Variants in RCC1 observed in about 807,000 individuals in gnomAD.
RCC1 encodes regulator of chromosome condensation 1.
A neutral mutation model predicts 44.4 loss-of-function variants in RCC1; 11 were observed. The ratio of observed to expected loss-of-function variants is 0.25; its 90% CI spans 0.16 to 0.41. RCC1 has a LOEUF of 0.41. RCC1 is among the 10% of genes least tolerant of loss of function. The probability of loss-of-function intolerance (pLI) is 1.00; values close to 1 mark genes in which losing one functional copy is unlikely to be tolerated. For missense variants in RCC1, 386 were observed against 547.1 expected, an observed-to-expected ratio of 0.71 and a Z score of 2.94; for synonymous variants, 213 against 216.5, an observed-to-expected ratio of 0.98 and a Z score of 0.14.
rs772590884 is a variant in RCC1, at chr1:28,529,942, A to G, written c.73+3A>G. ...CCCCAAAAGCAAGAAGGTGAAGGGT[A>G]AGTTGGCCTTGGCCTCTTTGTGGGT... On this transcript the variant is annotated splice_donor_region_variant and intron_variant, in intron 5 of 12. Coordinates refer to ENST00000683442, the MANE Select transcript of RCC1 (RefSeq NM_001381865.2). 6.2e-7 allele frequency: 1 copy of G among 1,613,408 alleles called. No homozygotes were observed.
chr1:28,507,349 T>C (rs1417587366), intron 1 of RCC1: 3 of 517,682 alleles, frequency 5.8e-6, no homozygotes, highest in African/African-American at 5.8e-5. Context: ...TGTAAATTTA[T>C]GCGTTACACT....
chr1:28,526,848 G>T, intron 4 of RCC1: 1 of 629,234 alleles, frequency 1.6e-6, no homozygotes, highest in Non-Finnish European at 2.9e-6. Flanking sequence ...AGTGAGCCGA[G>T]ATCGTGCCAC....
chr1:28,533,702 G>A (rs190041594), intron 7 of RCC1, among the ~76,000 whole-genome samples: 9,874 of 138,232 alleles, frequency 0.071, 816 homozygotes, highest in African/African-American at 0.2. Context: ...CCTGGGAGGC[G>A]GAGGTTGCAG....
chr1:28,511,389 ATTTTTTG>A (rs911150529), intron 3 of RCC1, among the ~76,000 whole-genome samples: 5 of 146,890 alleles, frequency 3.4e-5, no homozygotes, highest in South Asian at 4.2e-4. Context: ...ACAGTATCCA[ATTTTTTG>A]TTTTTTGTTT....
At chr1:28,521,720 C>CA (rs1663297791) in intron 4 of RCC1, among the ~76,000 whole-genome samples, 1 of 152,206 alleles carries the variant, frequency 6.6e-6, no homozygotes, top group Admixed American at 6.5e-5. Context: ...CACCTTCCCT[C>CA]AGGCTCTAGC....
At chr1:28,528,608 C>T (rs1663854819) in intron 4 of RCC1, among the ~76,000 whole-genome samples, 1 of 152,102 alleles carries the variant, frequency 6.6e-6, no homozygotes, top group African/African-American at 2.4e-5. Flanking sequence ...AGCCTGGCGA[C>T]AGAGTGAGAC....
chr1:28,531,750 C>T lies in RCC1; in HGVS notation c.74-53C>T, dbSNP rs989499345. ...TGTCTGATCCCAGAGCCTGTGACCTCTCCTCGCTGTCGTCATCCTCTACAC... is the reference window on the plus strand; with the variant it reads ...TGTCTGATCCCAGAGCCTGTGACCTTTCCTCGCTGTCGTCATCCTCTACAC... On this transcript the variant is annotated intron_variant, in intron 5 of 12. Coordinates refer to ENST00000683442, the MANE Select transcript of RCC1 (RefSeq NM_001381865.2). The T allele has an allele frequency of 3.5e-6, 5 of 1,437,294 alleles. No individual in the cohort carries two copies. In the Admixed American group the frequency reaches 1.3e-4, roughly 37 times the overall value. The allele number at this position is 1,437,294 out of a possible 1,614,324, so 89.0% of individuals were successfully genotyped here.
At chr1:28,525,858 T>C (rs1397822677) in intron 4 of RCC1, among the ~76,000 whole-genome samples, 1 of 152,158 alleles carries the variant, frequency 6.6e-6, no homozygotes, top group Non-Finnish European at 1.5e-5. Flanking sequence ...CGGGAACCAC[T>C]AGAAGGAAGG....
chr1:28,508,779 T>C lies in RCC1; in HGVS notation c.-228-51T>C, dbSNP rs768895380. On this transcript the variant is annotated intron_variant, in intron 2 of 12. Transcript: ENST00000683442. Reference sequence around the variant, plus strand: ...GAAACATATCTAGTATACTAGATTTTAAGTTGAAGTAGGATCTTCAGGAGT... The same window carrying C: ...GAAACATATCTAGTATACTAGATTTCAAGTTGAAGTAGGATCTTCAGGAGT... The C allele has an allele frequency of 1.7e-5, 9 of 518,768 alleles. No homozygotes were observed. In the Admixed American group the frequency reaches 1.7e-4, roughly 10 times the overall value. 32.1% of individuals were successfully genotyped at this position (518,768 alleles called of 1,614,324 possible).
chr1:28,509,913 C>T (rs988120159), intron 3 of RCC1: 7 of 152,136 alleles, frequency 4.6e-5, no homozygotes, highest in Admixed American at 2.6e-4. Flanking sequence ...ATGGTAGCAA[C>T]GGGAGGTTGT....
rs1268238503 is a variant in RCC1 at position 28,536,747 on chromosome 1, G to C, written c.938G>C (p.Gly313Ala). The change falls in exon 12 of 13, where the codon GGA (glycine) becomes GCA (alanine). Residue 313 changes from glycine (G) to alanine (A), a missense_variant and splice_region_variant. Coordinates refer to ENST00000683442, the MANE Select transcript of RCC1 (RefSeq NM_001381865.2). This position sits in a 1 kb window ranked among gnomAD's most constrained non-coding sequence, Gnocchi z 4.9. ...QHHTVCMDSEGKAYSLGRAEY... is the reference protein window; with the variant it reads ...QHHTVCMDSEAKAYSLGRAEY... ...CTCATCTCTCTCCCTCCTCCCATAG[G>C]AAAAGCATACAGCCTGGGCCGGGCT... 6.2e-7 allele frequency: 1 copy of C among 1,613,676 alleles called. No homozygotes were observed. The highest frequency in any genetic ancestry group is 8.5e-7 in the Non-Finnish European group (1 of 1,179,822).
chr1:28,512,128 C>T (rs188126773), intron 3 of RCC1, among the ~76,000 whole-genome samples: 6 of 151,588 alleles, frequency 4.0e-5, no homozygotes, highest in Non-Finnish European at 7.4e-5. Flanking sequence ...GCGCCTGCAC[C>T]GCACCCGGCT....
At chr1:28,527,264 G>C (rs1345471446) in intron 4 of RCC1, 2 of 668,774 alleles carry the variant, frequency 3.0e-6, no homozygotes, top group Admixed American at 2.1e-5. Context: ...TTTTGAGACA[G>C]TGTCTGTCTC....
rs954760777 is a variant in RCC1 at position 28,506,071 on chromosome 1, G to C, written c.-275G>C. On this transcript the variant is annotated 5_prime_UTR_variant, in exon 1 of 13. Coordinates refer to ENST00000683442, the MANE Select transcript of RCC1 (RefSeq NM_001381865.2). ...TTTTGGAGACAGATTCGCAGTGGTC[G>C]CTTCTTCTCCTTGGTAAGTGTGATC... The C allele has an allele frequency of 1.5e-5, 7 of 455,914 alleles. No individual in the cohort carries two copies. Among genetic ancestry groups the C allele is most frequent in the Non-Finnish European group, 3.1e-5 (7 of 226,794 alleles). 28.2% of individuals were successfully genotyped at this position (455,914 alleles called of 1,614,324 possible). A position where few individuals can be genotyped will look rare whatever the true frequency, so the allele number is the denominator to read the frequency against.
chr1:28,515,801 CT>C (rs1662862889), intron 3 of RCC1, among the ~76,000 whole-genome samples: 1 of 152,134 alleles, frequency 6.6e-6, no homozygotes, highest in Non-Finnish European at 1.5e-5. Flanking sequence ...AATCCCAGCA[CT>C]TTGGGAGGCC....
chr1:28,529,484 G>A (rs1570207196), intron 4 of RCC1, among the ~76,000 whole-genome samples: 1 of 151,986 alleles, frequency 6.6e-6, no homozygotes, highest in East Asian at 1.9e-4. Context: ...ACACCTGGCC[G>A]TCTGTTTTTC....
In RCC1 at chr1:28,532,269, G is replaced by T. The variant is rs1280886482; in HGVS notation, c.360G>T (p.Lys120Asn). 6 of 1,614,042 alleles carry T rather than the reference G, an allele frequency of 3.7e-6. No individual in the cohort carries two copies. The Admixed American group carries it at 8.3e-5, about 22-fold the overall frequency. ...CTGGGAAAGTGGAGCTGCAAGAGAA[G>T]GTGGTACAGGTGTCAGCAGGAGACA... ...MVPGKVELQE[K>N]VVQVSAGDSH... The change falls in exon 7 of 13, where the codon AAG becomes AAT. Residue 120 changes from lysine to asparagine, a missense_variant. By Grantham distance (94) the Lys-to-Asn change is moderately conservative. Transcript: ENST00000683442.
chr1:28,518,311 A>G (rs1295360769), intron 4 of RCC1: 1 of 152,222 alleles, frequency 6.6e-6, no homozygotes, highest in Non-Finnish European at 1.5e-5. Flanking sequence ...GCACCAAGGT[A>G]GGTCTCGCCT....
intron 5 of RCC1, 27 bp downstream of exon 5, chr1:28,529,966 G>C (rs761238670): frequency 6.3e-7 from 1 of 1,588,960 alleles, no homozygotes; most frequent in Non-Finnish European, 8.6e-7. Context: ...CTCTTTGTGG[G>C]TACAGGTGGC....
Sources: allele counts gnomAD v4.1 joint callset (sites outside exome capture counted in the v4.1 genomes callset), GRCh38; gene constraint gnomAD v4.1.1; non-coding constraint Gnocchi (gnomAD v3.1); transcripts MANE v1.5; gene names NCBI Gene and HGNC (gene_info 2026-07-23, HGNC 2026-07-21).